The following PIGB variants were observed in gnomAD, a reference collection of about 807,000 sequenced individuals.
PIGB encodes phosphatidylinositol glycan anchor biosynthesis class B.
A neutral mutation model predicts 68.4 loss-of-function variants in PIGB; 58 were observed. That is an observed-to-expected ratio of 0.85 (90% CI 0.69 to 1.06). The LOEUF (loss-of-function observed/expected upper bound fraction) is 1.06, where lower values mean the gene tolerates loss of function less well. Among genes scored for constraint, PIGB ranks in the 50% least tolerant of loss-of-function variants. PIGB has a pLI of 0.00. For missense variants in PIGB, 634 were observed against 655.8 expected (o/e 0.97, Z 0.36); for synonymous variants, 219 against 220.5 (o/e 0.99, Z 0.06).
chr15:55,339,295 A>C lies in PIGB; in HGVS notation c.823A>C (p.Ile275Leu). 9 of 1,552,838 alleles carry C rather than the reference A, an allele frequency of 5.8e-6. No homozygotes were observed. The highest frequency in any genetic ancestry group is 7.8e-6 in the Non-Finnish European group (9 of 1,147,422). The change falls in exon 7 of 12, where the codon ATT (isoleucine) becomes CTT (leucine). Residue 275 changes from isoleucine to leucine, a missense_variant. Transcript: ENST00000164305. ...TGTTACTTTGAGTTTGTCTCTGATG[A>C]TTGATCGTATTTTTTTTGGCCAAGT... ...GFVTLSLSLM[I>L]DRIFFGQWTL...
intron 9 of PIGB, among the ~76,000 whole-genome samples, chr15:55,347,896 C>G (rs2055831795): frequency 6.6e-6 from 1 of 151,368 alleles, no homozygotes; most frequent in East Asian, 2.0e-4. Context: ...GCATTCTACC[C>G]AGAGTGCTAT....
In PIGB at chr15:55,353,255, T is replaced by G. The variant is rs371671130; in HGVS notation, c.1338-1543T>G. On this transcript the variant is annotated intron_variant, in intron 10 of 11. Transcript: ENST00000164305. ...AGACTTGGAAGTAGAGAGCAACATC[T>G]GTCCCTTGATTAACATCCAAATAAG... Among the ~76,000 whole-genome samples, 32 of 152,330 alleles carry G rather than the reference T, an allele frequency of 2.1e-4. No homozygotes were observed. In the East Asian group the frequency reaches 3.1e-3, roughly 15 times the overall value.
At chr15:55,340,533 A>T (rs2055645599) in intron 7 of PIGB, 79 bp from the exon 8 acceptor site, 4 of 838,328 alleles carry the variant, frequency 4.8e-6, no homozygotes, top group Non-Finnish European at 3.7e-6. Flanking sequence ...TAATGTCAAA[A>T]TTGTATCAAT....
chr15:55,355,079 T>C (rs2056044911), intron 11 of PIGB, 101 bp downstream of exon 11: 7 of 1,045,344 alleles, frequency 6.7e-6, no homozygotes, highest in Admixed American at 2.7e-5. Flanking sequence ...TATGGTCTGT[T>C]TCAACCCACA....
intron 3 of PIGB, among the ~76,000 whole-genome samples, chr15:55,322,240 A>G (rs1197278529): frequency 2.0e-5 from 3 of 152,118 alleles, no homozygotes; most frequent in African/African-American, 7.2e-5. Flanking sequence ...ACCTTGTAAG[A>G]AGACCGTGTG....
In PIGB at chr15:55,333,558, C is replaced by T. The variant is rs2055468033; in HGVS notation, c.654-309C>T. On this transcript the variant is annotated intron_variant, in intron 5 of 11. Coordinates refer to ENST00000164305, the MANE Select transcript of PIGB (RefSeq NM_004855.5). ...CCAGCCTGGCCAACAAGGTGAAACC[C>T]CATCTCTACTGAAAATACAAAAAAT... Among the ~76,000 whole-genome samples the T allele has an allele frequency of 2.0e-5, 3 of 152,130 alleles. No individual in the cohort carries two copies. In the South Asian group the frequency reaches 6.2e-4, roughly 32 times the overall value.
chr15:55,328,484 A>C (rs554566073), intron 4 of PIGB, among the ~76,000 whole-genome samples: 2 of 152,348 alleles, frequency 1.3e-5, no homozygotes, highest in African/African-American at 4.8e-5. Context: ...TTAGAAAGGG[A>C]ACATTTCTGC....
At chr15:55,322,613 C>T (rs1007449713) in intron 3 of PIGB, among the ~76,000 whole-genome samples, 6 of 152,144 alleles carry the variant, frequency 3.9e-5, no homozygotes, top group South Asian at 4.1e-4. Flanking sequence ...TTTTGTGTAG[C>T]TTAGAAAGAC....
chr15:55,341,240 A>T (rs1173406371), intron 8 of PIGB, among the ~76,000 whole-genome samples: 1 of 152,184 alleles, frequency 6.6e-6, no homozygotes. Flanking sequence ...ATGTGCCTGT[A>T]GTCCTAGCTA....
At chr15:55,334,830 C>T (rs188816615) in intron 6 of PIGB, among the ~76,000 whole-genome samples, 1 of 152,290 alleles carries the variant, frequency 6.6e-6, no homozygotes, top group Admixed American at 6.5e-5. Flanking sequence ...AGTGATTCTC[C>T]TGCCTCAGCC....
intron 3 of PIGB, 47 bp from the exon 4 acceptor site, chr15:55,327,484 A>G: frequency 8.0e-7 from 1 of 1,254,964 alleles, no homozygotes; most frequent in Non-Finnish European, 1.1e-6. Flanking sequence ...TTCAGTTTGA[A>G]CCAACAGATA....
At chr15:55,340,455 TA>T (rs377443578) in intron 7 of PIGB, 156 bp from the exon 8 acceptor site, 40,297 of 313,194 alleles carry the variant, frequency 0.13, 11 homozygotes, top group South Asian at 0.19. Flanking sequence ...GACTCCATCT[TA>T]AAAAAAAAAA....
At chr15:55,337,151 AAAAC>A (rs2055555981) in intron 6 of PIGB, among the ~76,000 whole-genome samples, 1 of 152,022 alleles carries the variant, frequency 6.6e-6, no homozygotes, top group Admixed American at 6.5e-5. Flanking sequence ...TTATCAAGGA[AAAAC>A]AAAGTAAAGC....
intron 5 of PIGB, among the ~76,000 whole-genome samples, chr15:55,331,212 A>G (rs990837249): frequency 3.9e-5 from 6 of 152,196 alleles, no homozygotes; most frequent in African/African-American, 1.4e-4. Context: ...ATTAAATCTC[A>G]TTGTCTCTAT....
At chr15:55,327,405 A>G (rs2055318102) in intron 3 of PIGB, 126 bp from the exon 4 acceptor site, 2 of 611,846 alleles carry the variant, frequency 3.3e-6, no homozygotes, top group South Asian at 2.1e-5. Flanking sequence ...AGAAAAATAT[A>G]TTGCCTATTT....
chr15:55,347,290 G>T (rs2055816114), intron 9 of PIGB, among the ~76,000 whole-genome samples: 2 of 152,178 alleles, frequency 1.3e-5, no homozygotes, highest in South Asian at 4.1e-4. Flanking sequence ...GCCGGGCATG[G>T]CGGCAGGCAC....
intron 11 of PIGB, 78 bp downstream of exon 11, chr15:55,355,056 A>G: frequency 8.4e-7 from 1 of 1,195,754 alleles, no homozygotes; most frequent in Non-Finnish European, 1.2e-6. Context: ...GTAAATAGAT[A>G]ATATAACCTT....
At chr15:55,330,255 G>C (rs2055384101) in intron 5 of PIGB, among the ~76,000 whole-genome samples, 1 of 152,260 alleles carries the variant, frequency 6.6e-6, no homozygotes, top group African/African-American at 2.4e-5. Flanking sequence ...ATAATGAGGA[G>C]ACAGCCAGGG....
At chr15:55,343,606 T>C (rs1324490640) in intron 9 of PIGB, 4 of 152,208 alleles carry the variant, frequency 2.6e-5, no homozygotes, top group African/African-American at 9.6e-5. Context: ...AGATTGAATC[T>C]TTAAGTGGCA....
Sources: allele counts gnomAD v4.1 joint callset (sites outside exome capture counted in the v4.1 genomes callset), GRCh38; gene constraint gnomAD v4.1.1; transcripts MANE v1.5; gene names NCBI Gene and HGNC (gene_info 2026-07-23, HGNC 2026-07-21).